Variants in GSPT1 observed in about 807,000 individuals in gnomAD.
The protein encoded by GSPT1 is eukaryotic peptide chain release factor GTP-binding subunit ERF3A.
Under a neutral mutation model 72.5 loss-of-function variants are expected in GSPT1, and 20 were observed. The observed-to-expected ratio is 0.28, with a 90% CI of 0.19 to 0.40. The LOEUF is 0.40. Ranked by LOEUF, GSPT1 falls within the 10% of genes least tolerant of loss-of-function variation. The pLI, the probability that GSPT1 is intolerant of heterozygous loss-of-function variation, is 1.00. For missense variants in GSPT1, 580 were observed against 811.9 expected (o/e 0.71, Z 3.47); for synonymous variants, 334 against 293.5 (o/e 1.14, Z -1.41).
intron 10 of GSPT1, among the ~76,000 whole-genome samples, chr16:11,883,450 C>CAAAA (rs1465724451): frequency 2.1e-3 from 2 of 940 alleles, no homozygotes; most frequent in Non-Finnish European, 4.4e-3. Flanking sequence ...CCCATCTCTA[C>CAAAA]TAAAAATACA....
Position 11,897,840 on chromosome 16 carries a change from C to A in GSPT1, c.436G>T (p.Val146Leu). The A allele has an allele frequency of 6.7e-7, 1 of 1,496,722 alleles. No individual in the cohort carries two copies. 92.7% of individuals were successfully genotyped at this position (1,496,722 alleles called of 1,614,324 possible). A position where few individuals can be genotyped will look rare whatever the true frequency, so the allele number is the denominator to read the frequency against. ...TTAATATGGTCAGAAATTTTCTTAC[C>A]AATAGGTTCTGAAAGTTCCATGCTA... ...AVSMELSEPI[V>L]ENGETEMSPE... Residue 146 changes from valine to leucine, a missense_variant and splice_region_variant, in exon 3 of 15, where the codon GTA (valine) becomes TTA (leucine). Val to Leu is a conservative substitution (Grantham distance 32). This residue lies in a region of GSPT1 where 327 missense variants were observed against 298.8 expected (regional missense o/e 1.09). Coordinates refer to ENST00000434724, the MANE Select transcript of GSPT1 (RefSeq NM_002094.4).
At chr16:11,876,616 C>T (rs1159517602) in intron 12 of GSPT1, among the ~76,000 whole-genome samples, 5 of 152,070 alleles carry the variant, frequency 3.3e-5, no homozygotes, top group Admixed American at 6.6e-5. Context: ...TGGTGGTGGG[C>T]GCCTAAATCC....
chr16:11,913,930 A>G (rs906535055), intron 1 of GSPT1, among the ~76,000 whole-genome samples: 3 of 152,248 alleles, frequency 2.0e-5, no homozygotes, highest in African/African-American at 7.2e-5. Flanking sequence ...GCTGACGTAC[A>G]TACGTCATCA....
chr16:11,876,687 G>A (rs2141274080), intron 12 of GSPT1, among the ~76,000 whole-genome samples: 1 of 152,284 alleles, frequency 6.6e-6, no homozygotes, highest in Non-Finnish European at 1.5e-5. Flanking sequence ...AGGTTGCAGT[G>A]AGCCAAGATC....
intron 4 of GSPT1, 193 bp from the exon 5 acceptor site, chr16:11,895,180 C>T: frequency 2.1e-6 from 1 of 474,028 alleles, no homozygotes; most frequent in South Asian, 2.4e-5. Flanking sequence ...CCTGTAATTC[C>T]AGCACTTTGG....
intron 5 of GSPT1, among the ~76,000 whole-genome samples, chr16:11,894,694 A>G (rs2141299097): frequency 6.6e-6 from 1 of 152,344 alleles, no homozygotes; most frequent in Non-Finnish European, 1.5e-5. Context: ...TGTCTTGCCC[A>G]GGCTGGTTTC....
In GSPT1 at chr16:11,885,272, C is replaced by T; in HGVS notation, c.1256G>A (p.Gly419Glu). The T allele has an allele frequency of 1.4e-6, 2 of 1,476,744 alleles. No individual in the cohort carries two copies. Among genetic ancestry groups the T allele is most frequent in the Admixed American group, 1.7e-5 (1 of 59,682 alleles). 91.5% of individuals were successfully genotyped at this position (1,476,744 alleles called of 1,614,324 possible). A position where few individuals can be genotyped will look rare whatever the true frequency, so the allele number is the denominator to read the frequency against. ...EQSDFCPWYI[G>E]LPFIPYLDNL... Reference sequence around the variant, plus strand: ...ATCCAGATATGGAATAAACGGTAATCCACTGAGAACATAACAACAAAGCCA... The same window carrying T: ...ATCCAGATATGGAATAAACGGTAATTCACTGAGAACATAACAACAAAGCCA... The change falls in exon 10 of 15, where the codon GGA becomes GAA. Residue 419 changes from glycine (G) to glutamate (E), a missense_variant and splice_region_variant. This residue lies in a region of GSPT1 where 45 missense variants were observed against 43.0 expected (regional missense o/e 1.05). Coordinates refer to ENST00000434724, the MANE Select transcript of GSPT1 (RefSeq NM_002094.4).
rs1017654051 is a variant in GSPT1 at position 11,871,294 on chromosome 16, C to G, written c.*1825G>C. 1 of 152,142 alleles carries G rather than the reference C, an allele frequency of 6.6e-6. No individual in the cohort carries two copies. Among genetic ancestry groups the G allele is most frequent in the African/African-American group, 2.4e-5 (1 of 41,420 alleles). The allele number at this position is 152,142 out of a possible 1,614,324, so 9.4% of individuals were successfully genotyped here. On this transcript the variant is annotated 3_prime_UTR_variant, in exon 15 of 15. Coordinates refer to ENST00000434724, the MANE Select transcript of GSPT1 (RefSeq NM_002094.4). The stretch of plus-strand genomic sequence containing the variant: ...AGTTAAGAAAACACTAGGCCAAGTG[C>G]GGCGCCTCATGCCTGTAATCCCAGC...
rs1407323281 is a variant in GSPT1, at chr16:11,873,014, T to C, written c.*105A>G. 1.5e-6 allele frequency: 1 copy of C among 659,172 alleles called. No individual in the cohort carries two copies. 40.8% of individuals were successfully genotyped at this position (659,172 alleles called of 1,614,324 possible). A position where few individuals can be genotyped will look rare whatever the true frequency, so the allele number is the denominator to read the frequency against. Reference sequence around the variant, plus strand: ...CTGTGAATTTCCTCTTTGCAAAATATGGGGAGAGGTTTATCAATGGGCAGA... The same window carrying C: ...CTGTGAATTTCCTCTTTGCAAAATACGGGGAGAGGTTTATCAATGGGCAGA... On this transcript the variant is annotated 3_prime_UTR_variant, in exon 15 of 15. Transcript: ENST00000434724.
rs1387840264 is a variant in GSPT1, at chr16:11,915,528, A to G, written c.193T>C (p.Phe65Leu). 2 of 1,521,756 alleles carry G rather than the reference A, an allele frequency of 1.3e-6. No homozygotes were observed. Among genetic ancestry groups the G allele is most frequent in the Admixed American group, 2.1e-5 (1 of 47,822 alleles). The allele number at this position is 1,521,756 out of a possible 1,614,324, so 94.3% of individuals were successfully genotyped here. The change falls in exon 1 of 15, where the codon TTC (phenylalanine) becomes CTC (leucine). Residue 65 changes from phenylalanine (F) to leucine (L), a missense_variant. This residue lies in a region of GSPT1 where 327 missense variants were observed against 298.8 expected (regional missense o/e 1.09). Transcript: ENST00000434724. Reference protein sequence around the residue: ...EAQRENLSAAFSRQLNVNAKP... With the variant: ...EAQRENLSAALSRQLNVNAKP... ...GCGTTGACGTTGAGTTGCCGGCTGA[A>G]GGCCGCGCTGAGGTTCTCCCGCTGG...
rs2053982976 is a variant in GSPT1, at chr16:11,871,831, A to G, written c.*1288T>C. On this transcript the variant is annotated 3_prime_UTR_variant, in exon 15 of 15. Transcript: ENST00000434724. ...TCTCATGAAAAATTTCAAAGTCATG[A>G]TAATTATAGCAGAGAGTCATTCAAT... 1 of 152,212 alleles carries G rather than the reference A, an allele frequency of 6.6e-6. No individual in the cohort carries two copies. Among genetic ancestry groups the G allele is most frequent in the African/African-American group, 2.4e-5 (1 of 41,452 alleles). The allele number at this position is 152,212 out of a possible 1,614,324, so 9.4% of individuals were successfully genotyped here. A position where few individuals can be genotyped will look rare whatever the true frequency, so the allele number is the denominator to read the frequency against.
At position 11,915,917 on chromosome 16, in the gene GSPT1, C is replaced by CG. The variant is rs751566895; in HGVS notation, c.-198dup. 1.2e-6 allele frequency: 1 copy of CG among 805,016 alleles called. No homozygotes were observed. The highest frequency in any genetic ancestry group is 1.3e-5 in the South Asian group (1 of 74,724). The allele number at this position is 805,016 out of a possible 1,614,324, so 49.9% of individuals were successfully genotyped here. ...ACACTCGCGACGACGACAGAGGCGG[C>CG]GGCGGCGGCAGCTCAACCCTCCTCC... On this transcript the variant is annotated 5_prime_UTR_variant, in exon 1 of 15. Coordinates refer to ENST00000434724, the MANE Select transcript of GSPT1 (RefSeq NM_002094.4).
At chr16:11,894,741 T>C (rs1383080402) in intron 5 of GSPT1, among the ~76,000 whole-genome samples, 2 of 152,210 alleles carry the variant, frequency 1.3e-5, no homozygotes, top group Non-Finnish European at 2.9e-5. Flanking sequence ...CCTCCCACCT[T>C]AGCCTCTCAA....
chr16:11,881,773 T>C (rs1294617160), intron 11 of GSPT1: 1 of 149,774 alleles, frequency 6.7e-6, no homozygotes, highest in Non-Finnish European at 1.5e-5. Flanking sequence ...GCAATCCTCC[T>C]GCCTCAACCT....
At chr16:11,908,781 AAAAAAAAAAAATAC>A (rs2054521388) in intron 1 of GSPT1, 1 of 20,828 alleles carries the variant, frequency 4.8e-5, no homozygotes, top group Admixed American at 5.1e-4. Context: ...AAAAAAAAAA[AAAAAAAAAAAATAC>A]AAAAATTAGC....
At chr16:11,887,461 T>C (rs540453346) in intron 7 of GSPT1, 109 bp downstream of exon 7, 2 of 859,076 alleles carry the variant, frequency 2.3e-6, no homozygotes, top group East Asian at 4.9e-5. Context: ...TGTACATCAT[T>C]ATATTTCACT....
chr16:11,881,126 C>T (rs1442455323), intron 11 of GSPT1: 1 of 152,320 alleles, frequency 6.6e-6, no homozygotes, highest in East Asian at 1.9e-4. Context: ...TCTCGAACTC[C>T]TGACCTCGTG....
rs188331845 is a variant in GSPT1 at position 11,913,306 on chromosome 16, T to G, written c.352+2063A>C. ...TACATAGGATAATTTTTTAAAAACA[T>G]GAACTGGCATTTTGGTACAAGCAAT... On this transcript the variant is annotated intron_variant, in intron 1 of 14. Coordinates refer to ENST00000434724, the MANE Select transcript of GSPT1 (RefSeq NM_002094.4). Among the ~76,000 whole-genome samples, 99 of 152,330 alleles carry G rather than the reference T, an allele frequency of 6.5e-4. 4 individuals are homozygous for G. The East Asian group carries it at 0.016, about 24-fold the overall frequency.
chr16:11,891,490 T>C (rs1408336377), intron 5 of GSPT1, among the ~76,000 whole-genome samples: 1 of 150,926 alleles, frequency 6.6e-6, no homozygotes, highest in Non-Finnish European at 1.5e-5. Flanking sequence ...GCCTCCTGAG[T>C]AGCTGGGATT....
Sources: allele counts gnomAD v4.1 joint callset (sites outside exome capture counted in the v4.1 genomes callset), GRCh38; gene constraint gnomAD v4.1.1; regional missense constraint gnomAD v4.1.1; transcripts MANE v1.5; gene names NCBI Gene and HGNC (gene_info 2026-07-23, HGNC 2026-07-21).